The following WDR37 variants were observed in gnomAD, a reference collection of about 807,000 sequenced individuals.
WDR37 encodes WD repeat-containing protein 37.
A neutral mutation model predicts 62.9 loss-of-function variants in WDR37; 19 were observed. That is an observed-to-expected ratio of 0.30 (90% CI 0.21 to 0.44). The LOEUF is 0.44. WDR37 is among the 20% of genes least tolerant of loss of function. WDR37 has a pLI of 1.00. For synonymous variants in WDR37, 250 were observed against 260.9 expected, an observed-to-expected ratio of 0.96 and a Z score of 0.40; for missense variants, 474 against 657.6, an observed-to-expected ratio of 0.72 and a Z score of 3.05.
At chr10:1,088,689 G>T (rs985607416) in intron 7 of WDR37, among the ~76,000 whole-genome samples, 1 of 144,074 alleles carries the variant, frequency 6.9e-6, no homozygotes, top group Non-Finnish European at 1.5e-5. Flanking sequence ...CTGGCAAAAA[G>T]AAATTAAAAA....
intron 1 of WDR37, among the ~76,000 whole-genome samples, chr10:1,058,301 T>C (rs767137348): frequency 1.3e-5 from 2 of 152,216 alleles, no homozygotes; most frequent in Non-Finnish European, 2.9e-5. Flanking sequence ...ACTGGGAAGG[T>C]TACGTTATGT....
chr10:1,108,666 G>T (rs1835100897), intron 11 of WDR37, among the ~76,000 whole-genome samples: 1 of 151,264 alleles, frequency 6.6e-6, no homozygotes, highest in East Asian at 1.9e-4. Flanking sequence ...GTATTAGCGA[G>T]CATAGACACC....
At chr10:1,126,285 A>C (rs71491340) in intron 13 of WDR37, among the ~76,000 whole-genome samples, 2 of 151,456 alleles carry the variant, frequency 1.3e-5, no homozygotes, top group Non-Finnish European at 2.9e-5. Context: ...GGGCGTCTGT[A>C]GTCCCAGCTA....
At chr10:1,058,283 A>G (rs1833265207) in intron 1 of WDR37, among the ~76,000 whole-genome samples, 1 of 152,038 alleles carries the variant, frequency 6.6e-6, no homozygotes, top group Admixed American at 6.5e-5. Flanking sequence ...TATCAGCCTC[A>G]TTTTCTTACT....
chr10:1,119,508 G>A (rs1175380996), intron 11 of WDR37, among the ~76,000 whole-genome samples: 1 of 152,182 alleles, frequency 6.6e-6, no homozygotes, highest in African/African-American at 2.4e-5. Context: ...AAATCTTAGG[G>A]AGGCTTTAGC....
chr10:1,118,249 G>A (rs2170143), intron 11 of WDR37, among the ~76,000 whole-genome samples: 7 of 820 alleles, frequency 8.5e-3, no homozygotes, highest in Admixed American at 0.026. Flanking sequence ...GTCCCTGCAC[G>A]CATCTGAGCC....
chr10:1,098,279 T>C (rs1834662614), intron 9 of WDR37, among the ~76,000 whole-genome samples: 1 of 151,168 alleles, frequency 6.6e-6, no homozygotes, highest in African/African-American at 2.4e-5. Flanking sequence ...CCCTTATGGC[T>C]GCCCTTGTGT....
Position 1,103,008 on chromosome 10 carries a change from C to G in WDR37, c.727-594C>G, listed in dbSNP as rs543938378. Among the ~76,000 whole-genome samples, 1 of 152,298 alleles carries G rather than the reference C, an allele frequency of 6.6e-6. No homozygotes were observed. The highest frequency in any genetic ancestry group is 1.9e-4 in the East Asian group (1 of 5,190). ...GCAGCACCTGGGCTGGGGGTGGGGA[C>G]TGGCACTCTGTCACCCCCTGATAAA... On this transcript the variant is annotated intron_variant, in intron 9 of 13. Transcript: ENST00000263150. The surrounding 1 kb of genome is among the most constrained non-coding windows in gnomAD (Gnocchi z 6.3).
chr10:1,096,324 A>G (rs1192741905), intron 9 of WDR37, 78 bp downstream of exon 9: 30 of 1,495,400 alleles, frequency 2.0e-5, no homozygotes, highest in Non-Finnish European at 2.7e-5. Context: ...GATATCTGTC[A>G]TGGACGGAAT....
chr10:1,057,188 A>T (rs543129140), intron 1 of WDR37, among the ~76,000 whole-genome samples: 1 of 151,514 alleles, frequency 6.6e-6, no homozygotes, highest in South Asian at 2.1e-4. Context: ...CGTGGTGCAG[A>T]AGGGTTCAGG....
rs567198502 is a variant in WDR37, at chr10:1,083,562, G to T, written c.397-841G>T. On this transcript the variant is annotated intron_variant, in intron 5 of 13. Coordinates refer to ENST00000263150, the MANE Select transcript of WDR37 (RefSeq NM_014023.4). ...CTACATTATTCTGATTTACTTAACAGCTGGACAGCTGTTTTCTTACCAAAG... is the reference window on the plus strand; with the variant it reads ...CTACATTATTCTGATTTACTTAACATCTGGACAGCTGTTTTCTTACCAAAG... Among the ~76,000 whole-genome samples the T allele has an allele frequency of 1.1e-4, 16 of 152,308 alleles. 1 individual carries two copies. In the South Asian group the frequency reaches 2.3e-3, roughly 22 times the overall value.
rs1234352813 is a variant in WDR37 at position 1,096,252 on chromosome 10, C to T, written c.726+6C>T. 6.2e-7 allele frequency: 1 copy of T among 1,613,934 alleles called. No individual in the cohort carries two copies. Among genetic ancestry groups the T allele is most frequent in the African/African-American group, 1.3e-5 (1 of 74,934 alleles). Reference sequence around the variant, plus strand: ...AGCCTGTTGCTGACACTAGTGTAAGCACCTTTCCTTACCTGTGAATGTGTA... The same window carrying T: ...AGCCTGTTGCTGACACTAGTGTAAGTACCTTTCCTTACCTGTGAATGTGTA... On this transcript the variant is annotated splice_donor_region_variant and intron_variant, in intron 9 of 13. Coordinates refer to ENST00000263150, the MANE Select transcript of WDR37 (RefSeq NM_014023.4).
intron 7 of WDR37, among the ~76,000 whole-genome samples, chr10:1,087,591 G>C (rs1031488559): frequency 6.6e-6 from 1 of 152,206 alleles, no homozygotes; most frequent in African/African-American, 2.4e-5. Context: ...CAATGAGCCA[G>C]TTGTATTATG....
chr10:1,105,554 G>T lies in WDR37; in HGVS notation c.1103+287G>T, dbSNP rs1398249737. Among the ~76,000 whole-genome samples, 1 of 152,210 alleles carries T rather than the reference G, an allele frequency of 6.6e-6. No individual in the cohort carries two copies. The highest frequency in any genetic ancestry group is 6.5e-5 in the Admixed American group (1 of 15,284). On this transcript the variant is annotated intron_variant, in intron 11 of 13. Coordinates refer to ENST00000263150, the MANE Select transcript of WDR37 (RefSeq NM_014023.4). The surrounding 1 kb of genome is among the most constrained non-coding windows in gnomAD (Gnocchi z 5.3). ...GAGAGGGTTAGAGAAGAGCAGGGCT[G>T]CCAGAGCCTGTAGCTGAGCACAGGG... is the stretch of plus-strand genomic sequence containing the variant.
chr10:1,081,567 A>G (rs1266968141), intron 5 of WDR37, among the ~76,000 whole-genome samples: 1 of 152,186 alleles, frequency 6.6e-6, no homozygotes, highest in East Asian at 1.9e-4. Flanking sequence ...TTTGTTATTC[A>G]AAAGAAAATC....
At position 1,107,832 on chromosome 10, in the gene WDR37, C is replaced by T. The variant is rs372197483; in HGVS notation, c.1103+2565C>T. Among the ~76,000 whole-genome samples the T allele has an allele frequency of 1.4e-4, 22 of 152,158 alleles. No individual in the cohort carries two copies. In the East Asian group the frequency reaches 3.5e-3, roughly 24 times the overall value. On this transcript the variant is annotated intron_variant, in intron 11 of 13. Coordinates refer to ENST00000263150, the MANE Select transcript of WDR37 (RefSeq NM_014023.4). ...CTGTCTCTCTTTACACATGTGTACA[C>T]GCCTCTCTCTGAAACACACGCCCAC...
Position 1,080,058 on chromosome 10 carries a change from C to G in WDR37, c.283C>G (p.Gln95Glu), listed in dbSNP as rs1275695142. Reference protein sequence around the residue: ...TLNERLAAEGQAIDGAELSKG... With the variant: ...TLNERLAAEGEAIDGAELSKG... Reference sequence around the variant, plus strand: ...TAATGAACGTTTAGCTGCTGAAGGACAAGCGATTGATGGAGCAGAGCTGAG... The same window carrying G: ...TAATGAACGTTTAGCTGCTGAAGGAGAAGCGATTGATGGAGCAGAGCTGAG... The change falls in exon 4 of 14, where the codon CAA (glutamine) becomes GAA (glutamate). Residue 95 changes from glutamine (Q) to glutamate (E), a missense_variant. Transcript: ENST00000263150. 1 of 1,613,938 alleles carries G rather than the reference C, an allele frequency of 6.2e-7. No homozygotes were observed. The highest frequency in any genetic ancestry group is 1.3e-5 in the African/African-American group (1 of 74,866).
In WDR37 at chr10:1,067,659, T is replaced by C. The variant is rs150593660; in HGVS notation, c.-40-4457T>C. Among the ~76,000 whole-genome samples the C allele has an allele frequency of 3.1e-3, 468 of 152,280 alleles. 1 individual carries two copies. The highest frequency in any genetic ancestry group is 5.4e-3 in the East Asian group (28 of 5,184). On this transcript the variant is annotated intron_variant, in intron 1 of 13. Transcript: ENST00000263150. ...TGTGGATGACAAGCACATGAAAAGA[T>C]AGTGTCACTAGCCATCAGGGAAATG...
intron 11 of WDR37, among the ~76,000 whole-genome samples, chr10:1,117,342 C>T (rs1434326716): frequency 6.6e-6 from 1 of 152,238 alleles, no homozygotes; most frequent in Non-Finnish European, 1.5e-5. Flanking sequence ...GCATGACCCA[C>T]TGAGCCTGGC....
Sources: gnomAD v4.1 joint callset for allele counts (sites outside exome capture counted in the v4.1 genomes callset) on GRCh38, gnomAD v4.1.1 for gene constraint, Gnocchi (gnomAD v3.1) non-coding constraint, MANE v1.5 for transcripts, NCBI Gene and HGNC (gene_info 2026-07-23, HGNC 2026-07-21) for gene names.